The following OGDH variants were observed in gnomAD, a reference collection of about 807,000 sequenced individuals.
OGDH encodes the protein oxoglutarate dehydrogenase.
OGDH carries 38 observed loss-of-function variants against 116.6 expected under a neutral mutation model. That is an observed-to-expected ratio of 0.33 (90% CI 0.25 to 0.43). The LOEUF is 0.43. OGDH is among the 20% of genes least tolerant of loss of function. The probability of loss-of-function intolerance (pLI) is 1.00; values close to 1 mark genes in which losing one functional copy is unlikely to be tolerated. For synonymous variants in OGDH, 488 were observed against 533.3 expected, an observed-to-expected ratio of 0.92 and a Z score of 1.17; for missense variants, 825 against 1,357.2, an observed-to-expected ratio of 0.61 and a Z score of 6.16.
intron 10 of OGDH, among the ~76,000 whole-genome samples, chr7:44,686,046 C>CTTTTTTTTTTTTTTTTTTTTT (rs947000633): frequency 6.9e-6 from 1 of 144,836 alleles, no homozygotes; most frequent in African/African-American, 2.5e-5. Context: ...TTCTTTCTTT[C>CTTTTTTTTTTTTTTTTTTTTT]TTTTTTTTTT....
intron 10 of OGDH, among the ~76,000 whole-genome samples, chr7:44,682,668 C>T (rs1219998656): frequency 6.6e-6 from 1 of 151,690 alleles, no homozygotes; most frequent in Non-Finnish European, 1.5e-5. Flanking sequence ...TAAGCCTGGG[C>T]GACAGAGCAG....
chr7:44,695,016 C>A (rs1788518472), intron 12 of OGDH, among the ~76,000 whole-genome samples: 1 of 152,000 alleles, frequency 6.6e-6, no homozygotes, highest in South Asian at 2.1e-4. Flanking sequence ...AGCATGGGAA[C>A]AGGACAGATC....
chr7:44,618,056 C>T (rs1392158486), intron 1 of OGDH, among the ~76,000 whole-genome samples: 4 of 152,038 alleles, frequency 2.6e-5, no homozygotes, highest in Non-Finnish European at 5.9e-5. Context: ...AAGGGCAGGG[C>T]GTTTAACACC....
chr7:44,692,956 C>T (rs1391265594), intron 10 of OGDH, among the ~76,000 whole-genome samples: 6 of 149,272 alleles, frequency 4.0e-5, no homozygotes, highest in African/African-American at 1.5e-4. Context: ...AGGTGAGCTA[C>T]GATTGCACCA....
At chr7:44,693,748 C>A (rs971746472) in intron 10 of OGDH, 77 bp from the exon 11 acceptor site, 5 of 1,371,192 alleles carry the variant, frequency 3.6e-6, no homozygotes, top group Middle Eastern at 1.9e-4. Context: ...CATGCCATGC[C>A]CGGCCTCAGC....
intron 2 of OGDH, among the ~76,000 whole-genome samples, chr7:44,634,473 T>C (rs1785580201): frequency 6.6e-6 from 1 of 152,204 alleles, no homozygotes; most frequent in Non-Finnish European, 1.5e-5. Flanking sequence ...GTAGATTCCA[T>C]AGGGCAGAGC....
chr7:44,676,531 G>C (rs1443321951), intron 9 of OGDH: 2 of 251,112 alleles, frequency 8.0e-6, no homozygotes, highest in African/African-American at 2.2e-5. Flanking sequence ...CTCCAGCCTG[G>C]GCCAACAAGA....
chr7:44,612,211 C>CTTG (rs891526680), intron 1 of OGDH, among the ~76,000 whole-genome samples: 6 of 152,080 alleles, frequency 3.9e-5, no homozygotes, highest in African/African-American at 1.4e-4. Context: ...CTTGGCTGTA[C>CTTG]TTGTGTGACT....
chr7:44,652,299 C>T (rs867333436), intron 4 of OGDH, among the ~76,000 whole-genome samples: 1 of 151,546 alleles, frequency 6.6e-6, no homozygotes, highest in Non-Finnish European at 1.5e-5. Flanking sequence ...TAGTAGAGAC[C>T]GGGTTTCACC....
At chr7:44,652,166 T>TG (rs1419725821) in intron 4 of OGDH, among the ~76,000 whole-genome samples, 5 of 151,602 alleles carry the variant, frequency 3.3e-5, no homozygotes, top group African/African-American at 1.2e-4. Context: ...TGGAGTGCAA[T>TG]GGCACGACCT....
chr7:44,673,962 C>A (rs201659292), intron 6 of OGDH, 21 bp downstream of exon 6: 2 of 1,613,730 alleles, frequency 1.2e-6, no homozygotes, highest in African/African-American at 2.7e-5. Context: ...GGCCCTGGGC[C>A]ATGGGGCAGA....
chr7:44,622,541 G>T (rs1308744351), intron 1 of OGDH, among the ~76,000 whole-genome samples: 5 of 152,102 alleles, frequency 3.3e-5, no homozygotes, highest in Admixed American at 3.3e-4. Flanking sequence ...AGAGGTGAAT[G>T]CAGGACACTC....
chr7:44,615,506 C>G (rs1784736008), intron 1 of OGDH, among the ~76,000 whole-genome samples: 1 of 152,158 alleles, frequency 6.6e-6, no homozygotes, highest in African/African-American at 2.4e-5. Context: ...AGTCCCTGGT[C>G]CCTATTCTGA....
chr7:44,665,201 G>C (rs747196527), intron 4 of OGDH, among the ~76,000 whole-genome samples: 4 of 150,818 alleles, frequency 2.7e-5, no homozygotes, highest in Non-Finnish European at 2.9e-5. Flanking sequence ...AGTGGTTGCT[G>C]TGCCCTCAGT....
At chr7:44,698,863 G>A (rs1317702170) in intron 18 of OGDH, among the ~76,000 whole-genome samples, 6 of 149,900 alleles carry the variant, frequency 4.0e-5, no homozygotes, top group Admixed American at 3.3e-4. Flanking sequence ...AAAAAGAACT[G>A]TGCTGGGTGT....
chr7:44,623,090 G>C (rs2117284611), intron 1 of OGDH, among the ~76,000 whole-genome samples: 1 of 152,246 alleles, frequency 6.6e-6, no homozygotes, highest in Middle Eastern at 3.4e-3. Flanking sequence ...GCTCCCCATG[G>C]CTTATGAAAG....
At chr7:44,618,035 T>C (rs1432971197) in intron 1 of OGDH, among the ~76,000 whole-genome samples, 1 of 152,202 alleles carries the variant, frequency 6.6e-6, no homozygotes, top group Non-Finnish European at 1.5e-5. Context: ...TATTTAAGTA[T>C]ATCGTTTCCT....
intron 2 of OGDH, among the ~76,000 whole-genome samples, chr7:44,637,304 T>G (rs1316740087): frequency 1.3e-5 from 2 of 152,218 alleles, no homozygotes. Flanking sequence ...CAGAGCATCC[T>G]TGCTTTCCTC....
In OGDH at chr7:44,607,381, G is replaced by A. The variant is rs138899936; in HGVS notation, c.-28+728G>A. On this transcript the variant is annotated intron_variant, in intron 1 of 22. Coordinates refer to ENST00000222673, the MANE Select transcript of OGDH (RefSeq NM_002541.4). Reference sequence around the variant, plus strand: ...TGAGATTTAATAGAAAACTTGCCGCGCCCTCGCCCTGACCTGGGTGCGTCC... The same window carrying A: ...TGAGATTTAATAGAAAACTTGCCGCACCCTCGCCCTGACCTGGGTGCGTCC... Among the ~76,000 whole-genome samples, 199 of 152,240 alleles carry A rather than the reference G, an allele frequency of 1.3e-3. 1 individual carries two copies. The highest frequency in any genetic ancestry group is 4.6e-3 in the African/African-American group (192 of 41,544).
Sources: allele counts gnomAD v4.1 joint callset (sites outside exome capture counted in the v4.1 genomes callset), GRCh38; gene constraint gnomAD v4.1.1; transcripts MANE v1.5; gene names NCBI Gene and HGNC (gene_info 2026-07-23, HGNC 2026-07-21).